GALNT13: variants seen among roughly 807,000 people sequenced by gnomAD.
GALNT13 encodes UDP-GalNAc:polypeptide N-acetylgalactosaminyltransferase 13.
Under a neutral mutation model 64.2 loss-of-function variants are expected in GALNT13, and 28 were observed. The ratio of observed to expected loss-of-function variants is 0.44; its 90% CI spans 0.32 to 0.60. The LOEUF is 0.60. Ranked by LOEUF, GALNT13 falls within the 20% of genes least tolerant of loss-of-function variation. GALNT13 has a pLI of 0.05. For missense variants in GALNT13, 577 were observed against 669.8 expected (o/e 0.86, Z 1.53); for synonymous variants, 214 against 224.6 (o/e 0.95, Z 0.42).
chr2:153,238,265 C>A, the GALNT13 span, among the ~76,000 whole-genome samples: 1 of 152,008 alleles, frequency 6.6e-6, no homozygotes, highest in Non-Finnish European at 1.5e-5. Context: ...CAAATATTTT[C>A]TCTAATTCTG....
intron 3 of GALNT13, among the ~76,000 whole-genome samples, chr2:153,955,715 A>G (rs1340891140): frequency 2.0e-5 from 3 of 152,202 alleles, no homozygotes; most frequent in African/African-American, 7.2e-5. Flanking sequence ...AAAGAATTCA[A>G]GGGCAAGCCA....
chr2:153,546,316 A>C, the GALNT13 span, among the ~76,000 whole-genome samples: 1 of 152,146 alleles, frequency 6.6e-6, no homozygotes, highest in African/African-American at 2.4e-5. Flanking sequence ...GAGAGGAAAA[A>C]ACTTTGTATT....
At chr2:154,238,946 T>G (rs2105863360) in intron 4 of GALNT13, among the ~76,000 whole-genome samples, 1 of 152,184 alleles carries the variant, frequency 6.6e-6, no homozygotes, top group East Asian at 1.9e-4. Flanking sequence ...CCAGAAGTTA[T>G]TCATCCCCCA....
the GALNT13 span, among the ~76,000 whole-genome samples, chr2:153,649,677 T>C: frequency 6.6e-6 from 1 of 152,230 alleles, no homozygotes; most frequent in South Asian, 2.1e-4. Flanking sequence ...TTTGTTCTCA[T>C]TGGATTCAAA....
At chr2:153,110,271 C>T in the GALNT13 span, among the ~76,000 whole-genome samples, 1 of 152,068 alleles carries the variant, frequency 6.6e-6, no homozygotes, top group African/African-American at 2.4e-5. Flanking sequence ...CATACTGTCA[C>T]TGATAGCTTA....
the GALNT13 span, among the ~76,000 whole-genome samples, chr2:153,532,644 C>T: frequency 4.6e-5 from 7 of 152,082 alleles, no homozygotes; most frequent in African/African-American, 1.7e-4. Flanking sequence ...TTTGCTTTGT[C>T]TTTATAAGTT....
intron 4 of GALNT13, among the ~76,000 whole-genome samples, chr2:154,148,856 A>T (rs1418976028): frequency 6.6e-6 from 1 of 151,530 alleles, no homozygotes; most frequent in Non-Finnish European, 1.5e-5. Flanking sequence ...GGTTGTGAAA[A>T]TTTTCTCCCA....
At chr2:154,277,685 G>A (rs989473425) in intron 8 of GALNT13, among the ~76,000 whole-genome samples, 4 of 152,094 alleles carry the variant, frequency 2.6e-5, no homozygotes, top group Non-Finnish European at 4.4e-5. Context: ...GTACCAATAC[G>A]TAATTACTAC....
intron 3 of GALNT13, 99 bp downstream of exon 3, chr2:153,944,738 G>A (rs1574172298): frequency 2.1e-6 from 2 of 963,974 alleles, no homozygotes; most frequent in South Asian, 1.8e-5. Flanking sequence ...TTGCCTTAGT[G>A]AGTTAGAAGA....
chr2:154,011,672 A>G (rs976347514), intron 3 of GALNT13, among the ~76,000 whole-genome samples: 8 of 152,224 alleles, frequency 5.3e-5, no homozygotes, highest in Non-Finnish European at 7.4e-5. Context: ...GGGGTGTTGA[A>G]GTCTCTGACT....
In GALNT13 at chr2:154,287,218, T is replaced by C. The variant is rs112924781; in HGVS notation, c.976-14191T>C. 6,893 of 1,294,074 alleles carry C rather than the reference T, an allele frequency of 5.3e-3. 139 individuals are homozygous for C. The African/African-American group carries it at 0.06, about 11-fold the overall frequency. The allele number at this position is 1,294,074 out of a possible 1,614,324, so 80.2% of individuals were successfully genotyped here. On this transcript the variant is annotated intron_variant, in intron 8 of 12. Transcript: ENST00000392825. ...GGGCCAGATTTGTGGTGGAAAAGGC[T>C]GAGCATCAGAAGAAGGCAGCCATCA...
Position 153,881,637 on chromosome 2 carries a change from A to G in GALNT13, c.-177+9334A>G, listed in dbSNP as rs557656469. ...ATAAAATGCTAATTCAAGTGGGATA[A>G]CATGTATACATCATTTCCATTCCTT... is the stretch of plus-strand genomic sequence containing the variant. On this transcript the variant is annotated intron_variant, in intron 1 of 12. Transcript: ENST00000392825. Among the ~76,000 whole-genome samples, 32 of 152,322 alleles carry G rather than the reference A, an allele frequency of 2.1e-4. 1 individual carries two copies. The South Asian group carries it at 6.4e-3, about 31-fold the overall frequency.
At chr2:153,307,617 G>T in the GALNT13 span, among the ~76,000 whole-genome samples, 1 of 152,002 alleles carries the variant, frequency 6.6e-6, no homozygotes, top group African/African-American at 2.4e-5. Context: ...ATATTGCAGT[G>T]TAAATTGTGG....
At chr2:154,192,912 T>G (rs1686675182) in intron 4 of GALNT13, among the ~76,000 whole-genome samples, 1 of 152,226 alleles carries the variant, frequency 6.6e-6, no homozygotes, top group African/African-American at 2.4e-5. Flanking sequence ...ATAATTCTCA[T>G]TCACAACATT....
At position 154,078,195 on chromosome 2, in the gene GALNT13, T is replaced by C. The variant is rs550959054; in HGVS notation, c.143-62142T>C. On this transcript the variant is annotated intron_variant, in intron 3 of 12. Coordinates refer to ENST00000392825, the MANE Select transcript of GALNT13 (RefSeq NM_052917.4). ...TTTTAACTTATTGACTACCATCAGA[T>C]TTACTAAATATCATAGCACGTAATT... Among the ~76,000 whole-genome samples the C allele has an allele frequency of 2.0e-5, 3 of 151,632 alleles. No homozygotes were observed. In the East Asian group the frequency reaches 5.8e-4, roughly 29 times the overall value.
intron 8 of GALNT13, among the ~76,000 whole-genome samples, chr2:154,279,969 T>C (rs1008488613): frequency 2.6e-5 from 4 of 152,146 alleles, no homozygotes; most frequent in Non-Finnish European, 5.9e-5. Context: ...AGATGAGTTT[T>C]GAGAGGTACT....
chr2:153,472,540 T>C, the GALNT13 span, among the ~76,000 whole-genome samples: 4,792 of 152,262 alleles, frequency 0.031, 97 homozygotes, highest in Middle Eastern at 0.071. Context: ...AAACACTATA[T>C]AACTCTTTGA....
intron 4 of GALNT13, among the ~76,000 whole-genome samples, chr2:154,235,312 G>T (rs891571302): frequency 6.6e-6 from 1 of 152,104 alleles, no homozygotes; most frequent in Admixed American, 6.6e-5. Flanking sequence ...TTATGACATA[G>T]AAACTTACTT....
chr2:154,235,890 T>A (rs1164747123), intron 4 of GALNT13, among the ~76,000 whole-genome samples: 1 of 152,206 alleles, frequency 6.6e-6, no homozygotes, highest in Non-Finnish European at 1.5e-5. Context: ...AGTTTATGTT[T>A]CTGTAATGTG....
Sources: allele counts gnomAD v4.1 joint callset (sites outside exome capture counted in the v4.1 genomes callset), GRCh38; gene constraint gnomAD v4.1.1; transcripts MANE v1.5; gene names NCBI Gene and HGNC (gene_info 2026-07-23, HGNC 2026-07-21).